ZNF106: variants seen among roughly 807,000 people sequenced by gnomAD.
ZNF106 encodes the protein SH3-domain binding protein 3.
A neutral mutation model predicts 195.1 loss-of-function variants in ZNF106; 67 were observed. That is an observed-to-expected ratio of 0.34 (90% CI 0.28 to 0.42). The LOEUF is 0.42. Ranked by LOEUF, ZNF106 falls within the 10% of genes least tolerant of loss-of-function variation. The pLI, the probability that ZNF106 is intolerant of heterozygous loss-of-function variation, is 1.00. For missense variants in ZNF106, 2,118 were observed against 2,304.5 expected, an observed-to-expected ratio of 0.92 and a Z score of 1.66; for synonymous variants, 784 against 818.6, an observed-to-expected ratio of 0.96 and a Z score of 0.72.
chr15:42,467,381 T>C (rs903328010), intron 2 of ZNF106, among the ~76,000 whole-genome samples: 1 of 152,260 alleles, frequency 6.6e-6, no homozygotes, highest in East Asian at 1.9e-4. Context: ...GCCGAGGGAG[T>C]ATGATTAACT....
Position 42,450,573 on chromosome 15 carries a change from A to C in ZNF106, c.1699T>G (p.Cys567Gly). Residue 567 changes from cysteine to glycine, a missense_variant, in exon 5 of 22, where the codon TGT (cysteine) becomes GGT (glycine). Coordinates refer to ENST00000564754, the MANE Select transcript of ZNF106 (RefSeq NM_001366845.3). The stretch of plus-strand genomic sequence containing the variant: ...AGTGGATTTTGCAATGACTCATGAC[A>C]CTGTAGCACCTCTTTGGCCTTTCGT... ...TLRKAKEVLQ[C>G]HESLQNPLLS... 6.2e-7 allele frequency: 1 copy of C among 1,614,148 alleles called. No individual in the cohort carries two copies. The highest frequency in any genetic ancestry group is 8.5e-7 in the Non-Finnish European group (1 of 1,180,020).
chr15:42,416,528 G>C lies in ZNF106; in HGVS notation c.*776C>G, dbSNP rs1452576482. 6.6e-6 allele frequency: 1 copy of C among 152,268 alleles called. No individual in the cohort carries two copies. The highest frequency in any genetic ancestry group is 1.9e-4 in the East Asian group (1 of 5,198). 9.4% of individuals were successfully genotyped at this position (152,268 alleles called of 1,614,324 possible). A position where few individuals can be genotyped will look rare whatever the true frequency, so the allele number is the denominator to read the frequency against. ...CAACAGCCTGACAGGATCTGTAACA[G>C]GTAGTGCCCAGGTTCAACAGCAGAT... On this transcript the variant is annotated 3_prime_UTR_variant, in exon 22 of 22. Coordinates refer to ENST00000564754, the MANE Select transcript of ZNF106 (RefSeq NM_001366845.3).
At chr15:42,462,034 C>T (rs531769424) in intron 3 of ZNF106, among the ~76,000 whole-genome samples, 1 of 152,116 alleles carries the variant, frequency 6.6e-6, no homozygotes, top group Non-Finnish European at 1.5e-5. Context: ...AACACTATAT[C>T]CAATATGTGA....
rs1022442979 is a variant in ZNF106 at position 42,448,750 on chromosome 15, G to T, written c.2502-45C>A. ...ATGAAAACATAAATTGGATATGGTT[G>T]TTGGGAGGGGCATTATTTTTTAATG... On this transcript the variant is annotated intron_variant, in intron 5 of 21. Coordinates refer to ENST00000564754, the MANE Select transcript of ZNF106 (RefSeq NM_001366845.3). 2.6e-6 allele frequency: 4 copies of T among 1,532,210 alleles called. No individual in the cohort carries two copies. In the African/African-American group the frequency reaches 5.5e-5, roughly 21 times the overall value. 94.9% of individuals were successfully genotyped at this position (1,532,210 alleles called of 1,614,324 possible).
intron 20 of ZNF106, among the ~76,000 whole-genome samples, chr15:42,418,898 T>G (rs1390201348): frequency 2.0e-5 from 3 of 151,900 alleles, no homozygotes; most frequent in African/African-American, 7.3e-5. Flanking sequence ...CGTGGCTTAA[T>G]TTCATGTATT....
chr15:42,440,957 T>C (rs2055478255), intron 10 of ZNF106, among the ~76,000 whole-genome samples: 1 of 121,254 alleles, frequency 8.2e-6, no homozygotes, highest in Non-Finnish European at 1.6e-5. Flanking sequence ...CACACCAGCC[T>C]GGGCAACAAA....
intron 9 of ZNF106, among the ~76,000 whole-genome samples, chr15:42,442,777 C>T (rs2055604740): frequency 1.3e-5 from 2 of 151,450 alleles, no homozygotes; most frequent in Non-Finnish European, 2.9e-5. Flanking sequence ...CCACTATGCC[C>T]AGCTATTATT....
In ZNF106 at chr15:42,448,434, G is replaced by C; in HGVS notation, c.2773C>G (p.Gln925Glu). The change falls in exon 6 of 22, where the codon CAG (glutamine) becomes GAG (glutamate). Residue 925 changes from glutamine (Q) to glutamate (E), a missense_variant. Gln to Glu is a conservative substitution (Grantham distance 29). Coordinates refer to ENST00000564754, the MANE Select transcript of ZNF106 (RefSeq NM_001366845.3). ...VSPSNSLRAG[Q>E]SQKATMHLKQ... is the part of the protein sequence containing the mutation. ...AGGTGCATGGTTGCTTTCTGGCTCT[G>C]TCCAGCCCTCAATGAGTTACTAGGT... 1 of 1,614,120 alleles carries C rather than the reference G, an allele frequency of 6.2e-7. No individual in the cohort carries two copies. Among genetic ancestry groups the C allele is most frequent in the South Asian group, 1.1e-5 (1 of 91,084 alleles).
intron 9 of ZNF106, among the ~76,000 whole-genome samples, chr15:42,443,443 G>C (rs2055631216): frequency 6.6e-6 from 1 of 151,946 alleles, no homozygotes; most frequent in South Asian, 2.1e-4. Context: ...ACTATCCTGG[G>C]AAACACTGGG....
At chr15:42,441,423 A>AT (rs1313019134) in intron 10 of ZNF106, among the ~76,000 whole-genome samples, 1 of 152,120 alleles carries the variant, frequency 6.6e-6, no homozygotes, top group Non-Finnish European at 1.5e-5. Flanking sequence ...ATCTAGAGTA[A>AT]TTTTTTAAAC....
chr15:42,438,478 C>T, intron 12 of ZNF106, 134 bp downstream of exon 12: 3 of 736,278 alleles, frequency 4.1e-6, no homozygotes, highest in Non-Finnish European at 6.7e-6. Flanking sequence ...TTGATCAAGG[C>T]AATCCTCTTG....
At chr15:42,459,888 C>A (rs1159242196) in intron 3 of ZNF106, among the ~76,000 whole-genome samples, 1 of 151,426 alleles carries the variant, frequency 6.6e-6, no homozygotes, top group Non-Finnish European at 1.5e-5. Flanking sequence ...AAAAAAAATA[C>A]AAAAATTAGC....
intron 15 of ZNF106, among the ~76,000 whole-genome samples, chr15:42,425,274 T>C (rs1387518573): frequency 2.0e-5 from 3 of 152,160 alleles, no homozygotes; most frequent in Admixed American, 6.5e-5. Context: ...ACCCACACCA[T>C]CTCCATCCTA....
chr15:42,430,326 A>G (rs541318238), intron 14 of ZNF106, among the ~76,000 whole-genome samples: 9 of 151,828 alleles, frequency 5.9e-5, no homozygotes, highest in Non-Finnish European at 1.0e-4. Context: ...GTTATTTGTT[A>G]TTTCTTTTTA....
At chr15:42,438,723 A>G in intron 11 of ZNF106, 56 bp from the exon 12 acceptor site, 1 of 1,541,150 alleles carries the variant, frequency 6.5e-7, no homozygotes, top group Non-Finnish European at 8.9e-7. Context: ...GCAGGTAGTA[A>G]AAGTAAAAAT....
chr15:42,462,854 G>C lies in ZNF106; in HGVS notation c.116+3199C>G, dbSNP rs573819817. On this transcript the variant is annotated intron_variant, in intron 3 of 21. Transcript: ENST00000564754. ...GCTGGAGTGCAGTGGCACAATCATA[G>C]CTCACTGCAGCCTCAAACTCCTGGG... 9.2e-5 allele frequency among the ~76,000 whole-genome samples: 14 copies of C among 152,304 alleles called. No individual in the cohort carries two copies. The South Asian group carries it at 2.7e-3, about 29-fold the overall frequency.
intron 14 of ZNF106, among the ~76,000 whole-genome samples, chr15:42,433,371 C>A (rs1311721429): frequency 6.6e-6 from 1 of 152,088 alleles, no homozygotes; most frequent in Non-Finnish European, 1.5e-5. Flanking sequence ...TCCCAAAGTG[C>A]TGGGATTACA....
chr15:42,489,151 C>T (rs1056972550), intron 1 of ZNF106, among the ~76,000 whole-genome samples: 1 of 150,032 alleles, frequency 6.7e-6, no homozygotes, highest in African/African-American at 2.4e-5. Context: ...CAGATTCGTT[C>T]ACACCCTCTA....
chr15:42,439,197 G>A lies in ZNF106; in HGVS notation c.4380C>T (p.Ala1460=). The stretch of plus-strand genomic sequence containing the variant: ...CTTCTCCTGATTCTGAAGAATCAAT[G>A]GCTACTACTTCTAACTGAGGATTAG... ...EIPNPQLEVV[A]IDSSESGEEK... Residue 1460 remains alanine (A), a synonymous_variant, in exon 11 of 22, where the codon GCC becomes GCT. Transcript: ENST00000564754. The A allele has an allele frequency of 6.2e-7, 1 of 1,614,094 alleles. No individual in the cohort carries two copies. Among genetic ancestry groups the A allele is most frequent in the Non-Finnish European group, 8.5e-7 (1 of 1,180,034 alleles).
Sources: allele counts gnomAD v4.1 joint callset (sites outside exome capture counted in the v4.1 genomes callset), GRCh38; gene constraint gnomAD v4.1.1; transcripts MANE v1.5; gene names NCBI Gene and HGNC (gene_info 2026-07-23, HGNC 2026-07-21).